The following TOX2 variants were observed in gnomAD, a reference collection of about 807,000 sequenced individuals.
TOX2 encodes the protein TOX high mobility group box family member 2, also known as granulosa cell HMG box 1.
In TOX2, 15 loss-of-function variants were observed where a neutral mutation model predicts 47.4. The observed-to-expected ratio is 0.32, with a 90% confidence interval of 0.21 to 0.49. The LOEUF (loss-of-function observed/expected upper bound fraction) is 0.49, where lower values mean the gene tolerates loss of function less well. TOX2 is among the 20% of genes least tolerant of loss of function. TOX2 has a pLI of 0.99. For missense variants in TOX2, 622 were observed against 673.1 expected, an observed-to-expected ratio of 0.92 and a Z score of 0.84; for synonymous variants, 290 against 296.6, an observed-to-expected ratio of 0.98 and a Z score of 0.23.
chr20:44,059,039 T>A (rs1458628583), intron 5 of TOX2, among the ~76,000 whole-genome samples: 1 of 152,130 alleles, frequency 6.6e-6, no homozygotes, highest in African/African-American at 2.4e-5. Context: ...AATCTCTGAA[T>A]TGCCAGAAAA....
intron 1 of TOX2, among the ~76,000 whole-genome samples, chr20:43,939,143 G>T (rs1370470267): frequency 6.6e-6 from 1 of 152,112 alleles, no homozygotes; most frequent in Admixed American, 6.5e-5. Flanking sequence ...AGTGACTCAG[G>T]GACAGCATAG....
At chr20:44,028,306 T>G (rs977099167) in intron 3 of TOX2, among the ~76,000 whole-genome samples, 7 of 145,604 alleles carry the variant, frequency 4.8e-5, no homozygotes, top group East Asian at 2.0e-4. Flanking sequence ...GGCAGGGGGG[T>G]GAGGGGGTCT....
chr20:43,932,769 T>G (rs2069269844), intron 1 of TOX2, among the ~76,000 whole-genome samples: 1 of 141,644 alleles, frequency 7.1e-6, no homozygotes, highest in Admixed American at 6.9e-5. Context: ...TGGAGAGGGG[T>G]TGCTGCCCCC....
At chr20:43,994,462 A>C (rs970459823) in intron 2 of TOX2, among the ~76,000 whole-genome samples, 12 of 150,984 alleles carry the variant, frequency 7.9e-5, no homozygotes, top group African/African-American at 1.7e-4. Context: ...CTGTCTCCAA[A>C]AAAAAAAAAA....
intron 3 of TOX2, among the ~76,000 whole-genome samples, chr20:44,020,306 G>C (rs1324725499): frequency 6.6e-6 from 1 of 152,044 alleles, no homozygotes; most frequent in Non-Finnish European, 1.5e-5. Flanking sequence ...ACGTAAGACG[G>C]CCCCCCAAGG....
At chr20:43,966,909 A>G (rs914063540) in intron 1 of TOX2, among the ~76,000 whole-genome samples, 25 of 152,132 alleles carry the variant, frequency 1.6e-4, no homozygotes, top group African/African-American at 6.0e-4. Flanking sequence ...GCGATTGCCC[A>G]AATATCGCTA....
At chr20:43,989,625 C>A (rs756263424) in intron 2 of TOX2, among the ~76,000 whole-genome samples, 12 of 151,920 alleles carry the variant, frequency 7.9e-5, no homozygotes, top group African/African-American at 2.9e-4. Flanking sequence ...ACTAAAAATA[C>A]AAAAATTAGC....
chr20:43,977,271 T>TTG (rs1422405299), intron 2 of TOX2, among the ~76,000 whole-genome samples: 1 of 151,846 alleles, frequency 6.6e-6, no homozygotes, highest in Admixed American at 6.6e-5. Context: ...CCCAGCTGAT[T>TTG]TGTGTGTGTG....
chr20:44,051,003 A>G (rs1276493604), intron 3 of TOX2, among the ~76,000 whole-genome samples: 5 of 152,210 alleles, frequency 3.3e-5, no homozygotes, highest in African/African-American at 1.2e-4. Flanking sequence ...GTCTCATCAA[A>G]TGATCCAACA....
At chr20:43,951,231 G>A (rs1446675679) in intron 1 of TOX2, among the ~76,000 whole-genome samples, 2 of 152,122 alleles carry the variant, frequency 1.3e-5, no homozygotes, top group South Asian at 4.2e-4. Context: ...CACTTCCTAG[G>A]TAGATAGCCT....
At chr20:43,928,450 T>C (rs913331603) in intron 1 of TOX2, among the ~76,000 whole-genome samples, 4 of 152,226 alleles carry the variant, frequency 2.6e-5, no homozygotes, top group Non-Finnish European at 5.9e-5. Flanking sequence ...GCTGCTCTTG[T>C]GTTGGTCGCT....
At chr20:44,035,339 G>C (rs571940747) in intron 3 of TOX2, among the ~76,000 whole-genome samples, 2 of 152,308 alleles carry the variant, frequency 1.3e-5, no homozygotes, top group Non-Finnish European at 2.9e-5. Flanking sequence ...GGTCCTGCCA[G>C]GTCCATGTCA....
intron 2 of TOX2, among the ~76,000 whole-genome samples, chr20:43,989,438 G>T (rs901112590): frequency 8.5e-5 from 13 of 152,274 alleles, no homozygotes; most frequent in African/African-American, 2.9e-4. Flanking sequence ...GAATCACACA[G>T]TCGTTAAGAG....
chr20:43,965,900 T>C (rs980816485), intron 1 of TOX2, among the ~76,000 whole-genome samples: 1 of 152,016 alleles, frequency 6.6e-6, no homozygotes, highest in Non-Finnish European at 1.5e-5. Flanking sequence ...GTTGGGAGAA[T>C]TGAGGGAATA....
intron 2 of TOX2, among the ~76,000 whole-genome samples, chr20:43,984,824 G>A (rs958582919): frequency 1.3e-5 from 2 of 152,156 alleles, no homozygotes; most frequent in African/African-American, 4.8e-5. Context: ...GATGTGGGAA[G>A]TGCAGGGGCC....
chr20:44,054,563 C>A (rs758159018), intron 5 of TOX2, 37 bp downstream of exon 5: 1 of 1,589,682 alleles, frequency 6.3e-7, no homozygotes, highest in East Asian at 2.3e-5. Context: ...TCCCCTGAGG[C>A]TTTGTGGTCC....
chr20:44,022,428 T>G (rs1600747616), intron 3 of TOX2, among the ~76,000 whole-genome samples: 1 of 152,236 alleles, frequency 6.6e-6, no homozygotes, highest in African/African-American at 2.4e-5. Flanking sequence ...TGCTATTATT[T>G]GTCTCTAAGC....
Position 43,966,493 on chromosome 20 carries a change from C to T in TOX2, c.100-6874C>T, listed in dbSNP as rs892186624. ...GGGGCACTTGCTGGGTGTGGTGGCT[C>T]ATGCCTGTAATCCCAGCACTTTGGG... On this transcript the variant is annotated intron_variant, in intron 1 of 8. Transcript: ENST00000341197. 7.3e-4 allele frequency among the ~76,000 whole-genome samples: 111 copies of T among 151,946 alleles called. 2 individuals carry two copies. The highest frequency in any genetic ancestry group is 2.5e-3 in the African/African-American group (102 of 41,334).
At chr20:44,005,719 A>T (rs1024708163) in intron 2 of TOX2, among the ~76,000 whole-genome samples, 5 of 152,236 alleles carry the variant, frequency 3.3e-5, no homozygotes, top group African/African-American at 1.2e-4. Flanking sequence ...AAAGAATTTG[A>T]TACAATTGAA....
Sources: gnomAD v4.1 joint callset for allele counts (sites outside exome capture counted in the v4.1 genomes callset) on GRCh38, gnomAD v4.1.1 for gene constraint, MANE v1.5 for transcripts, NCBI Gene and HGNC (gene_info 2026-07-23, HGNC 2026-07-21) for gene names.